The following STIM1 variants were observed in gnomAD, a reference collection of about 807,000 sequenced individuals.
STIM1 encodes stromal interaction molecule 1.
Under a neutral mutation model 74.7 loss-of-function variants are expected in STIM1, and 25 were observed. The observed-to-expected ratio is 0.33, with a 90% CI of 0.24 to 0.47. STIM1 has a LOEUF of 0.47. STIM1 is among the 20% of genes least tolerant of loss of function. The pLI is 1.00. For synonymous variants in STIM1, 328 were observed against 348.8 expected (o/e 0.94, Z 0.66); for missense variants, 728 against 920.8 (o/e 0.79, Z 2.71).
rs116527643 is a variant in STIM1 at position 4,030,855 on chromosome 11, C to T, written c.385+6868C>T. ...GTTTAATATATCTTATGTGCATCTC[C>T]GATGATACTACCTTAGCTCAACTTC... is the stretch of plus-strand genomic sequence containing the variant. On this transcript the variant is annotated intron_variant, in intron 3 of 12. Transcript: ENST00000526596. Among the ~76,000 whole-genome samples the T allele has an allele frequency of 9.7e-3, 1,473 of 152,212 alleles. 26 individuals carry two copies. The highest frequency in any genetic ancestry group is 0.034 in the African/African-American group (1,392 of 41,530).
At chr11:3,983,874 T>C (rs1272620869) in intron 2 of STIM1, among the ~76,000 whole-genome samples, 3 of 144,260 alleles carry the variant, frequency 2.1e-5, no homozygotes, top group Middle Eastern at 3.6e-3. Flanking sequence ...TTCTCCTTTC[T>C]TTTTTTTTTT....
At chr11:3,951,204 C>T (rs1472123905) in intron 1 of STIM1, among the ~76,000 whole-genome samples, 2 of 152,200 alleles carry the variant, frequency 1.3e-5, no homozygotes, top group Admixed American at 6.5e-5. Flanking sequence ...GCTACCCCAG[C>T]TGAGAAAGGC....
intron 1 of STIM1, among the ~76,000 whole-genome samples, chr11:3,912,148 TC>T (rs1294589684): frequency 2.3e-5 from 1 of 44,328 alleles, no homozygotes; most frequent in African/African-American, 9.8e-5. Context: ...TCCCCTCTCC[TC>T]CCCTCCCTTC....
chr11:3,942,388 G>A (rs1475449726), intron 1 of STIM1, among the ~76,000 whole-genome samples: 1 of 152,172 alleles, frequency 6.6e-6, no homozygotes, highest in South Asian at 2.1e-4. Flanking sequence ...TTGTAAACTT[G>A]TAAGTCCCAT....
chr11:3,922,991 C>T (rs554019587), intron 1 of STIM1, among the ~76,000 whole-genome samples: 308 of 150,784 alleles, frequency 2.0e-3, no homozygotes, highest in Admixed American at 3.5e-3. Flanking sequence ...CCCAGCTACT[C>T]GGGAGGCTGA....
chr11:3,942,420 T>G (rs1307909108), intron 1 of STIM1, among the ~76,000 whole-genome samples: 3 of 152,126 alleles, frequency 2.0e-5, no homozygotes, highest in Non-Finnish European at 4.4e-5. Context: ...TGATCTGGCA[T>G]TTGGGGTAGT....
chr11:3,856,892 C>T (rs1332158538), intron 1 of STIM1, among the ~76,000 whole-genome samples: 2 of 152,132 alleles, frequency 1.3e-5, no homozygotes, highest in Non-Finnish European at 2.9e-5. Context: ...ACCGTGGGAA[C>T]CCTAGTCCCA....
intron 2 of STIM1, 129 bp downstream of exon 2, chr11:3,967,811 A>T: frequency 1.5e-6 from 2 of 1,331,126 alleles, no homozygotes; most frequent in East Asian, 4.8e-5. Flanking sequence ...ACTCATCCCT[A>T]TCAGGGAAGA....
At chr11:4,073,050 T>G (rs1352269495) in intron 6 of STIM1, among the ~76,000 whole-genome samples, 1 of 142,544 alleles carries the variant, frequency 7.0e-6, no homozygotes, top group African/African-American at 2.7e-5. Flanking sequence ...ACTTAGAGGT[T>G]TTTTTTTTTT....
intron 1 of STIM1, among the ~76,000 whole-genome samples, chr11:3,894,681 A>G (rs1463523287): frequency 1.3e-5 from 2 of 152,174 alleles, no homozygotes; most frequent in African/African-American, 4.8e-5. Flanking sequence ...CCTAGGAATC[A>G]TGAGCTGATA....
chr11:4,091,977 A>C lies in STIM1; in HGVS notation c.*179A>C, dbSNP rs2094527937. 1.2e-6 allele frequency: 1 copy of C among 854,838 alleles called. No individual in the cohort carries two copies. The allele number at this position is 854,838 out of a possible 1,614,324, so 53.0% of individuals were successfully genotyped here. On this transcript the variant is annotated 3_prime_UTR_variant, in exon 13 of 13. Transcript: ENST00000526596. ...CTTGGGTCCTTCATTATTATTTATT[A>C]ACTGACCACCATGGCCTGCCTGCCC...
intron 2 of STIM1, among the ~76,000 whole-genome samples, chr11:4,000,942 G>C (rs1317645375): frequency 6.6e-6 from 1 of 152,214 alleles, no homozygotes. Context: ...GAAGAATGCA[G>C]AAGCCTCAGG....
At chr11:4,038,665 TA>T (rs2094123534) in intron 3 of STIM1, among the ~76,000 whole-genome samples, 1 of 152,118 alleles carries the variant, frequency 6.6e-6, no homozygotes, top group Non-Finnish European at 1.5e-5. Context: ...GGAGGGAGGG[TA>T]AATTCCATCT....
At chr11:4,011,108 C>T (rs2093832038) in intron 2 of STIM1, among the ~76,000 whole-genome samples, 2 of 152,156 alleles carry the variant, frequency 1.3e-5, no homozygotes, top group Admixed American at 6.5e-5. Flanking sequence ...TTTCTTTATC[C>T]AGTCTGTTAT....
intron 1 of STIM1, among the ~76,000 whole-genome samples, chr11:3,935,295 G>C (rs1422728610): frequency 6.6e-6 from 1 of 152,232 alleles, no homozygotes. Flanking sequence ...CATAGGACTA[G>C]TTCAAGGTTG....
chr11:4,005,703 C>T (rs1326604463), intron 2 of STIM1, among the ~76,000 whole-genome samples: 1 of 151,966 alleles, frequency 6.6e-6, no homozygotes, highest in Non-Finnish European at 1.5e-5. Flanking sequence ...ACATTGTGCA[C>T]ATGTACCCTA....
intron 1 of STIM1, among the ~76,000 whole-genome samples, chr11:3,910,246 A>G (rs2092539278): frequency 6.6e-6 from 1 of 152,250 alleles, no homozygotes; most frequent in South Asian, 2.1e-4. Context: ...TCCTGGTCAT[A>G]ATGACCTGTG....
chr11:3,995,811 C>CTT (rs71466144), intron 2 of STIM1, among the ~76,000 whole-genome samples: 451 of 137,880 alleles, frequency 3.3e-3, no homozygotes, highest in African/African-American at 6.3e-3. Context: ...CACCTGGCTT[C>CTT]TTTTTTTTTT....
chr11:3,935,328 TA>T (rs1180742130), intron 1 of STIM1, among the ~76,000 whole-genome samples: 1 of 152,228 alleles, frequency 6.6e-6, no homozygotes, highest in Non-Finnish European at 1.5e-5. Flanking sequence ...CAGGTGAGGC[TA>T]GACACTGGTC....
Sources: allele counts gnomAD v4.1 joint callset (sites outside exome capture counted in the v4.1 genomes callset), GRCh38; gene constraint gnomAD v4.1.1; transcripts MANE v1.5; gene names NCBI Gene and HGNC (gene_info 2026-07-23, HGNC 2026-07-21).